LY6G6F: variants seen among roughly 807,000 people sequenced by gnomAD.
LY6G6F encodes lymphocyte antigen 6 complex locus protein G6f.
Under a neutral mutation model 33.0 loss-of-function variants are expected in LY6G6F, and 26 were observed. That is an observed-to-expected ratio of 0.79 (90% CI 0.58 to 1.09). The LOEUF is 1.09. LY6G6F is among the 50% of genes least tolerant of loss of function. The probability of loss-of-function intolerance (pLI) is 0.00; values close to 1 mark genes in which losing one functional copy is unlikely to be tolerated. For synonymous variants in LY6G6F, 132 were observed against 148.1 expected, an observed-to-expected ratio of 0.89 and a Z score of 0.79; for missense variants, 317 against 372.0, an observed-to-expected ratio of 0.85 and a Z score of 1.22.
At position 31,710,195 on chromosome 6, in the gene LY6G6F, TC is replaced by T. The variant is rs774426224; in HGVS notation, c.802+18del. ...CTCCAGGCAGAGGTGAGTCCCTCCC[TC>T]CCCGGGGAAAGAAGAGGGCACATGG... On this transcript the variant is annotated intron_variant, in intron 4 of 5. Coordinates refer to ENST00000375832, the MANE Select transcript of LY6G6F (RefSeq NM_001003693.3). This position sits in a 1 kb window ranked among gnomAD's most constrained non-coding sequence, Gnocchi z 4.7. 1 of 1,608,162 alleles carries T rather than the reference TC, an allele frequency of 6.2e-7. No homozygotes were observed. The highest frequency in any genetic ancestry group is 1.7e-5 in the Admixed American group (1 of 59,820).
intron 3 of LY6G6F, 130 bp from the exon 4 acceptor site, chr6:31,709,896 G>A: frequency 1.1e-6 from 1 of 932,826 alleles, no homozygotes; most frequent in South Asian, 1.7e-5. Context: ...GATATTGTGG[G>A]CAGGGAAGCT....
chr6:31,707,410 T>G lies in LY6G6F; in HGVS notation c.53-48T>G. On this transcript the variant is annotated intron_variant, in intron 1 of 5. Transcript: ENST00000375832. This position sits in a 1 kb window ranked among gnomAD's most constrained non-coding sequence, Gnocchi z 4.1. ...CAGGGTTGAAGATCAAATGGGGGGT[T>G]ATTGATCTGATGGAGGTCTCTGGCC... is the stretch of plus-strand genomic sequence containing the variant. 6.5e-7 allele frequency: 1 copy of G among 1,536,312 alleles called. No individual in the cohort carries two copies. Among genetic ancestry groups the G allele is most frequent in the Non-Finnish European group, 8.9e-7 (1 of 1,117,988 alleles).
At position 31,710,647 on chromosome 6, in the gene LY6G6F, C is replaced by G. The variant is rs923588797; in HGVS notation, c.*56C>G. On this transcript the variant is annotated 3_prime_UTR_variant, in exon 6 of 6. Coordinates refer to ENST00000375832, the MANE Select transcript of LY6G6F (RefSeq NM_001003693.3). The surrounding 1 kb of genome is among the most constrained non-coding windows in gnomAD (Gnocchi z 4.7). Reference sequence around the variant, plus strand: ...TGCTGTCTCGCTGGCCATCTGGCACCTGGAAGATTCCTCGACAACCTTAGC... The same window carrying G: ...TGCTGTCTCGCTGGCCATCTGGCACGTGGAAGATTCCTCGACAACCTTAGC... 6 of 1,609,668 alleles carry G rather than the reference C, an allele frequency of 3.7e-6. No individual in the cohort carries two copies. The highest frequency in any genetic ancestry group is 1.7e-4 in the Middle Eastern group (1 of 6,004).
Position 31,710,513 on chromosome 6 carries a change from G to A in LY6G6F, c.870-54G>A. The A allele has an allele frequency of 6.2e-7, 1 of 1,613,962 alleles. No homozygotes were observed. Among genetic ancestry groups the A allele is most frequent in the Non-Finnish European group, 8.5e-7 (1 of 1,179,870 alleles). Reference sequence around the variant, plus strand: ...GGGTTGGGGATGGGCCCTCGTTCCTGAGGATGTGAAAAGTAGAGGTATCCT... The same window carrying A: ...GGGTTGGGGATGGGCCCTCGTTCCTAAGGATGTGAAAAGTAGAGGTATCCT... On this transcript the variant is annotated intron_variant, in intron 5 of 5. Coordinates refer to ENST00000375832, the MANE Select transcript of LY6G6F (RefSeq NM_001003693.3). This position sits in a 1 kb window ranked among gnomAD's most constrained non-coding sequence, Gnocchi z 4.7.
In LY6G6F at chr6:31,709,966, C is replaced by T. The variant is rs2071778119; in HGVS notation, c.647-60C>T. The T allele has an allele frequency of 2.7e-5, 42 of 1,533,630 alleles. No homozygotes were observed. In the South Asian group the frequency reaches 4.6e-4, roughly 17 times the overall value. ...GTGGAGGGGAAGCCTCTCTTTGGGG[C>T]ACAGGGACAGGGCCCCTCACTACCT... is the stretch of plus-strand genomic sequence containing the variant. On this transcript the variant is annotated intron_variant, in intron 3 of 5. Coordinates refer to ENST00000375832, the MANE Select transcript of LY6G6F (RefSeq NM_001003693.3).
In LY6G6F at chr6:31,708,112, AGGG is replaced by A; in HGVS notation, c.626_628del (p.Gly209del). ...TCCGCTGCCTCATGACTCACAACAA[AGGG>A]GTCAGCTTTAGCCTGGCAGGTAAAC... On this transcript the variant is annotated inframe_deletion, in exon 3 of 6. Coordinates refer to ENST00000375832, the MANE Select transcript of LY6G6F (RefSeq NM_001003693.3). 1 of 1,575,188 alleles carries A rather than the reference AGGG, an allele frequency of 6.3e-7. No individual in the cohort carries two copies. Among genetic ancestry groups the A allele is most frequent in the Non-Finnish European group, 8.6e-7 (1 of 1,160,360 alleles).
rs771090571 is a variant in LY6G6F at position 31,706,882 on chromosome 6, C to A, written c.-25C>A. ...TCCCTGGGGACACCAGGTCTTGGAG[C>A]AAGAGAACTTGGCAGGCTCTCCCCA... On this transcript the variant is annotated 5_prime_UTR_variant, in exon 1 of 6. Transcript: ENST00000375832. 11 of 1,613,500 alleles carry A rather than the reference C, an allele frequency of 6.8e-6. No individual in the cohort carries two copies. The highest frequency in any genetic ancestry group is 3.3e-5 in the Admixed American group (2 of 59,996).
chr6:31,708,785 G>T (rs1015644740), intron 3 of LY6G6F, among the ~76,000 whole-genome samples: 25 of 152,212 alleles, frequency 1.6e-4, no homozygotes, highest in African/African-American at 5.8e-4. Context: ...AATTAGCCGG[G>T]TATGGTGGCA....
intron 3 of LY6G6F, 96 bp downstream of exon 3, chr6:31,708,230 T>C: frequency 1.4e-6 from 2 of 1,454,720 alleles, no homozygotes; most frequent in Non-Finnish European, 1.8e-6. Flanking sequence ...TGGATAATTT[T>C]TTGTACTTTT....
rs148918086 is a variant in LY6G6F at position 31,706,959 on chromosome 6, G to T, written c.52+1G>T. 304 of 1,613,948 alleles carry T rather than the reference G, an allele frequency of 1.9e-4. 1 individual carries two copies. Among genetic ancestry groups the T allele is most frequent in the Middle Eastern group, 1.6e-3 (10 of 6,082 alleles). ...CTATGTGGAACTCCCCAGGCTGCAG[G>T]TAAGGGGCAAGAGGTACGGGATTCC... On this transcript the variant is annotated splice_donor_variant, in intron 1 of 5. Coordinates refer to ENST00000375832, the MANE Select transcript of LY6G6F (RefSeq NM_001003693.3). LOFTEE classifies it high-confidence loss of function.
chr6:31,710,609 G>A lies in LY6G6F; in HGVS notation c.*18G>A, dbSNP rs1805971944. 1 of 1,613,960 alleles carries A rather than the reference G, an allele frequency of 6.2e-7. No homozygotes were observed. On this transcript the variant is annotated 3_prime_UTR_variant, in exon 6 of 6. Coordinates refer to ENST00000375832, the MANE Select transcript of LY6G6F (RefSeq NM_001003693.3). The surrounding 1 kb of genome is among the most constrained non-coding windows in gnomAD (Gnocchi z 4.7). ...CCAGGTGATTTTGGTGACATCTGCT[G>A]GGAAGTGTGACCTGCTGTCTCGCTG...
Position 31,710,224 on chromosome 6 carries a change from G to A in LY6G6F, c.802+43G>A, listed in dbSNP as rs1026207961. The A allele has an allele frequency of 6.2e-7, 1 of 1,607,526 alleles. No individual in the cohort carries two copies. Among genetic ancestry groups the A allele is most frequent in the Non-Finnish European group, 8.5e-7 (1 of 1,176,084 alleles). On this transcript the variant is annotated intron_variant, in intron 4 of 5. Transcript: ENST00000375832. The surrounding 1 kb of genome is among the most constrained non-coding windows in gnomAD (Gnocchi z 4.7). ...CGGGGAAAGAAGAGGGCACATGGGT[G>A]GGAGGCAAAGGGCTAGGCTCACACC...
At position 31,707,558 on chromosome 6, in the gene LY6G6F, C is replaced by A. The variant is rs1309057363; in HGVS notation, c.153C>A (p.Cys51Ter). ...LHGDEHLSWF[C>*]SPAAGSFTTL... ...GGGACGAACACCTGTCATGGTTCTG[C>A]AGCCCTGCAGCAGGCTCCTTCACCA... The change falls in exon 2 of 6, where the codon TGC becomes TGA. Residue 51 changes from cysteine (C) to a stop codon, truncating the protein, a stop_gained. Coordinates refer to ENST00000375832, the MANE Select transcript of LY6G6F (RefSeq NM_001003693.3). LOFTEE classifies it high-confidence loss of function. This position sits in a 1 kb window ranked among gnomAD's most constrained non-coding sequence, Gnocchi z 4.1. 1 of 1,614,062 alleles carries A rather than the reference C, an allele frequency of 6.2e-7. No homozygotes were observed.
In LY6G6F at chr6:31,710,280, G is replaced by A; in HGVS notation, c.803-72G>A. ...TCTGTACCCCACCTCCTCTAGGGGAGGGGGCGAGGAACACGGCTCTAAGTT... is the reference window on the plus strand; with the variant it reads ...TCTGTACCCCACCTCCTCTAGGGGAAGGGGCGAGGAACACGGCTCTAAGTT... On this transcript the variant is annotated intron_variant, in intron 4 of 5. Coordinates refer to ENST00000375832, the MANE Select transcript of LY6G6F (RefSeq NM_001003693.3). The surrounding 1 kb of genome is among the most constrained non-coding windows in gnomAD (Gnocchi z 4.7). The A allele has an allele frequency of 6.2e-7, 1 of 1,612,850 alleles. No individual in the cohort carries two copies. Among genetic ancestry groups the A allele is most frequent in the Admixed American group, 1.7e-5 (1 of 60,018 alleles).
intron 3 of LY6G6F, among the ~76,000 whole-genome samples, chr6:31,709,446 GC>G (rs1805864141): frequency 6.6e-6 from 1 of 151,910 alleles, no homozygotes; most frequent in African/African-American, 2.4e-5. Flanking sequence ...TTTTAGTGGA[GC>G]CGGGGTTTCA....
chr6:31,710,332 T>C lies in LY6G6F; in HGVS notation c.803-20T>C, dbSNP rs1379990532. ...TCTGCTGACTTCTCTTCTGTATCCC[T>C]GATGGCTCCTTCTCCCCAGATGCCT... On this transcript the variant is annotated intron_variant, in intron 4 of 5. Coordinates refer to ENST00000375832, the MANE Select transcript of LY6G6F (RefSeq NM_001003693.3). This position sits in a 1 kb window ranked among gnomAD's most constrained non-coding sequence, Gnocchi z 4.7. 5 of 1,613,762 alleles carry C rather than the reference T, an allele frequency of 3.1e-6. No individual in the cohort carries two copies. Among genetic ancestry groups the C allele is most frequent in the Middle Eastern group, 3.3e-4 (2 of 6,062 alleles).
rs751901567 is a variant in LY6G6F, at chr6:31,707,551, G to C, written c.146G>C (p.Trp49Ser). ...PTLHGDEHLS[W>S]FCSPAAGSFT... ...CTACATGGGGACGAACACCTGTCAT[G>C]GTTCTGCAGCCCTGCAGCAGGCTCC... is the stretch of plus-strand genomic sequence containing the variant. Residue 49 changes from tryptophan (W) to serine (S), a missense_variant, in exon 2 of 6, where the codon TGG becomes TCG. Physicochemically the swap from Trp to Ser is radical, Grantham distance 177. Coordinates refer to ENST00000375832, the MANE Select transcript of LY6G6F (RefSeq NM_001003693.3). The surrounding 1 kb of genome is among the most constrained non-coding windows in gnomAD (Gnocchi z 4.1). 1.2e-5 allele frequency: 19 copies of C among 1,614,006 alleles called. No individual in the cohort carries two copies. Among genetic ancestry groups the C allele is most frequent in the Non-Finnish European group, 1.6e-5 (19 of 1,179,988 alleles).
In LY6G6F at chr6:31,708,249, C is replaced by T. The variant is rs1035179937; in HGVS notation, c.646+115C>T. The T allele has an allele frequency of 3.5e-5, 46 of 1,307,446 alleles. No individual in the cohort carries two copies. The Middle Eastern group carries it at 8.4e-4, about 24-fold the overall frequency. 81.0% of individuals were successfully genotyped at this position (1,307,446 alleles called of 1,614,324 possible). ...TAATTTTTTGTACTTTTAGTAGAGACGAGATTTCACCATTTTGGCCAGGCT... is the reference window on the plus strand; with the variant it reads ...TAATTTTTTGTACTTTTAGTAGAGATGAGATTTCACCATTTTGGCCAGGCT... On this transcript the variant is annotated intron_variant, in intron 3 of 5. Transcript: ENST00000375832.
Position 31,707,014 on chromosome 6 carries a change from A to G in LY6G6F, c.52+56A>G. 1 of 1,570,200 alleles carries G rather than the reference A, an allele frequency of 6.4e-7. No individual in the cohort carries two copies. Among genetic ancestry groups the G allele is most frequent in the African/African-American group, 1.3e-5 (1 of 74,114 alleles). On this transcript the variant is annotated intron_variant, in intron 1 of 5. Coordinates refer to ENST00000375832, the MANE Select transcript of LY6G6F (RefSeq NM_001003693.3). The surrounding 1 kb of genome is among the most constrained non-coding windows in gnomAD (Gnocchi z 4.1). ...CTATTTGCAAGGTTGGGGAGGGACTACTGCTCTTTCTCCTAGGAGCCTGGC... is the reference window on the plus strand; with the variant it reads ...CTATTTGCAAGGTTGGGGAGGGACTGCTGCTCTTTCTCCTAGGAGCCTGGC...
Sources: gnomAD v4.1 joint callset for allele counts (sites outside exome capture counted in the v4.1 genomes callset) on GRCh38, gnomAD v4.1.1 for gene constraint, Gnocchi (gnomAD v3.1) non-coding constraint, MANE v1.5 for transcripts, NCBI Gene and HGNC (gene_info 2026-07-23, HGNC 2026-07-21) for gene names.